Variants in CATSPERB observed in about 807,000 individuals in gnomAD.
CATSPERB encodes the protein cation channel sperm-associated auxiliary subunit beta.
Under a neutral mutation model 128.3 loss-of-function variants are expected in CATSPERB, and 93 were observed. That is an observed-to-expected ratio of 0.72 (90% CI 0.61 to 0.86). CATSPERB has a LOEUF of 0.86. Among genes scored for constraint, CATSPERB ranks in the 40% least tolerant of loss-of-function variants. CATSPERB has a pLI of 0.00. For missense variants in CATSPERB, 1,153 were observed against 1,329.5 expected (o/e 0.87, Z 2.06); for synonymous variants, 381 against 448.8 (o/e 0.85, Z 1.91).
chr14:91,608,415 T>C lies in CATSPERB; in HGVS notation c.2599-11A>G. ...AGGCCTGTAGTTTATCTGCAAGTGA[T>C]TAAACAAAGAAAATGTACAATTCAT... On this transcript the variant is annotated splice_polypyrimidine_tract_variant and intron_variant, in intron 21 of 26. Coordinates refer to ENST00000256343, the MANE Select transcript of CATSPERB (RefSeq NM_024764.4). The C allele has an allele frequency of 7.3e-7, 1 of 1,360,782 alleles. No homozygotes were observed. Among genetic ancestry groups the C allele is most frequent in the Non-Finnish European group, 1.0e-6 (1 of 953,644 alleles). 84.3% of individuals were successfully genotyped at this position (1,360,782 alleles called of 1,614,324 possible). A position where few individuals can be genotyped will look rare whatever the true frequency, so the allele number is the denominator to read the frequency against.
intron 10 of CATSPERB, among the ~76,000 whole-genome samples, chr14:91,688,432 C>T (rs1305199463): frequency 6.6e-6 from 1 of 152,154 alleles, no homozygotes; most frequent in Admixed American, 6.5e-5. Flanking sequence ...TCAGTGCTCC[C>T]TGGAATTTAG....
chr14:91,637,476 G>A (rs1894396268), intron 16 of CATSPERB, among the ~76,000 whole-genome samples: 1 of 152,182 alleles, frequency 6.6e-6, no homozygotes, highest in Non-Finnish European at 1.5e-5. Context: ...ACTGTAGCCT[G>A]GGAGTGGCAA....
At position 91,589,671 on chromosome 14, in the gene CATSPERB, T is replaced by C. The variant is rs1421251969; in HGVS notation, c.2821-2A>G. On this transcript the variant is annotated splice_acceptor_variant, in intron 23 of 26. Coordinates refer to ENST00000256343, the MANE Select transcript of CATSPERB (RefSeq NM_024764.4). LOFTEE classifies it high-confidence loss of function. ...AATTGGAAACTTAAAGCGAGGAACC[T>C]AAAATACAAATTCCAAGAATGAATG... 1 of 1,610,552 alleles carries C rather than the reference T, an allele frequency of 6.2e-7. No homozygotes were observed. Among genetic ancestry groups the C allele is most frequent in the African/African-American group, 1.3e-5 (1 of 74,838 alleles).
chr14:91,666,638 T>G (rs1311265651), intron 14 of CATSPERB, among the ~76,000 whole-genome samples: 1 of 152,200 alleles, frequency 6.6e-6, no homozygotes, highest in Non-Finnish European at 1.5e-5. Context: ...GTTGTGGCGG[T>G]GGCCGTCTTA....
At chr14:91,700,363 A>C (rs930147259) in intron 7 of CATSPERB, among the ~76,000 whole-genome samples, 2 of 151,970 alleles carry the variant, frequency 1.3e-5, no homozygotes, top group Non-Finnish European at 1.5e-5. Context: ...ATTGGCTTCT[A>C]GTTTTCTTTT....
chr14:91,633,103 G>A lies in CATSPERB; in HGVS notation c.1742+3322C>T, dbSNP rs1175417001. Among the ~76,000 whole-genome samples the A allele has an allele frequency of 2.0e-5, 3 of 152,136 alleles. 1 individual carries two copies. The highest frequency in any genetic ancestry group is 1.5e-5 in the Non-Finnish European group (1 of 68,024). ...AACTTACTACTTTTTGTTCAACCCA[G>A]TATATACATGTTCAACTCTAACTGC... On this transcript the variant is annotated intron_variant, in intron 17 of 26. Coordinates refer to ENST00000256343, the MANE Select transcript of CATSPERB (RefSeq NM_024764.4).
intron 26 of CATSPERB, among the ~76,000 whole-genome samples, chr14:91,582,876 G>A (rs185560152): frequency 6.6e-6 from 1 of 152,304 alleles, no homozygotes; most frequent in Non-Finnish European, 1.5e-5. Context: ...CTTGGATGCA[G>A]GACAGGAACA....
chr14:91,638,213 T>C (rs1894414389), intron 16 of CATSPERB, among the ~76,000 whole-genome samples: 1 of 152,192 alleles, frequency 6.6e-6, no homozygotes, highest in African/African-American at 2.4e-5. Context: ...AGTGTCCAGT[T>C]TTGTAACTGG....
In CATSPERB at chr14:91,717,769, T is replaced by C. The variant is rs538958893; in HGVS notation, c.370+1649A>G. The stretch of plus-strand genomic sequence containing the variant: ...CATATACTCATAATACTCATATTCA[T>C]GCCATAGCAGTAAATAAAGTATGAT... On this transcript the variant is annotated intron_variant, in intron 5 of 26. Coordinates refer to ENST00000256343, the MANE Select transcript of CATSPERB (RefSeq NM_024764.4). Among the ~76,000 whole-genome samples, 32 of 152,320 alleles carry C rather than the reference T, an allele frequency of 2.1e-4. No homozygotes were observed. In the East Asian group the frequency reaches 6.0e-3, roughly 28 times the overall value.
Position 91,624,993 on chromosome 14 carries a change from G to A in CATSPERB, c.1757C>T (p.Ala586Val), listed in dbSNP as rs1375387571. ...ATGTTGCAATACCTTTCTTATGTAA[G>A]CTCTTCCAGTTTTCCTAAAAACAAA... ...KVIHSGKTGR[A>V]YIRKVLQHTT... is the part of the protein sequence containing the mutation. The change falls in exon 18 of 27, where the codon GCT (alanine) becomes GTT (valine). Residue 586 changes from alanine (A) to valine (V), a missense_variant. By Grantham distance (64) the Ala-to-Val change is moderately conservative. Coordinates refer to ENST00000256343, the MANE Select transcript of CATSPERB (RefSeq NM_024764.4). 1.3e-6 allele frequency: 2 copies of A among 1,575,750 alleles called. No homozygotes were observed. The highest frequency in any genetic ancestry group is 2.0e-5 in the Admixed American group (1 of 49,442).
rs772351437 is a variant in CATSPERB at position 91,621,943 on chromosome 14, G to T, written c.1931-6C>A. On this transcript the variant is annotated splice_region_variant and splice_polypyrimidine_tract_variant and intron_variant, in intron 18 of 26. Transcript: ENST00000256343. Reference sequence around the variant, plus strand: ...TTCAAACAAGGCCTGAACAACTGGAGATTAAACAGAAGAGACTTGGTATTA... The same window carrying T: ...TTCAAACAAGGCCTGAACAACTGGATATTAAACAGAAGAGACTTGGTATTA... 40 of 1,558,562 alleles carry T rather than the reference G, an allele frequency of 2.6e-5. No homozygotes were observed. In the East Asian group the frequency reaches 9.0e-4, roughly 35 times the overall value.
chr14:91,692,317 G>A (rs1895486657), intron 9 of CATSPERB, among the ~76,000 whole-genome samples: 1 of 152,082 alleles, frequency 6.6e-6, no homozygotes, highest in Non-Finnish European at 1.5e-5. Context: ...GCAGTCCAGA[G>A]GTCAGGACTT....
At chr14:91,678,419 C>A (rs1294787395) in intron 11 of CATSPERB, among the ~76,000 whole-genome samples, 2 of 152,052 alleles carry the variant, frequency 1.3e-5, no homozygotes, top group Non-Finnish European at 2.9e-5. Flanking sequence ...ATATTGCTAT[C>A]TTGTGGCTAG....
At chr14:91,597,609 G>A (rs188814475) in intron 22 of CATSPERB, among the ~76,000 whole-genome samples, 4 of 152,238 alleles carry the variant, frequency 2.6e-5, no homozygotes, top group Admixed American at 2.6e-4. Context: ...TAGAGAAACT[G>A]AACTTATTTT....
At chr14:91,637,906 C>A (rs913561543) in intron 16 of CATSPERB, among the ~76,000 whole-genome samples, 18 of 151,936 alleles carry the variant, frequency 1.2e-4, no homozygotes, top group African/African-American at 4.4e-4. Context: ...GTTAGTTCTA[C>A]CCTCCTGCTC....
chr14:91,687,431 A>G (rs1213658871), intron 10 of CATSPERB, among the ~76,000 whole-genome samples: 1 of 152,140 alleles, frequency 6.6e-6, no homozygotes, highest in African/African-American at 2.4e-5. Flanking sequence ...CTTATAAAAG[A>G]GAACCCAGGG....
intron 5 of CATSPERB, among the ~76,000 whole-genome samples, chr14:91,711,051 C>T (rs1373682240): frequency 1.3e-5 from 2 of 152,138 alleles, no homozygotes; most frequent in Admixed American, 6.5e-5. Flanking sequence ...AGGGGCTCAG[C>T]GTATGTGAAA....
chr14:91,605,742 ACTCT>A (rs1893689432), intron 22 of CATSPERB, among the ~76,000 whole-genome samples: 1 of 148,818 alleles, frequency 6.7e-6, no homozygotes, highest in African/African-American at 2.5e-5. Context: ...CTCTGTTACC[ACTCT>A]CTCCTCCTTT....
At chr14:91,664,622 G>T (rs1704687) in intron 14 of CATSPERB, among the ~76,000 whole-genome samples, 1 of 152,038 alleles carries the variant, frequency 6.6e-6, no homozygotes, top group African/African-American at 2.4e-5. Flanking sequence ...GATATACCAA[G>T]TTTATTTGTC....
Sources: allele counts gnomAD v4.1 joint callset (sites outside exome capture counted in the v4.1 genomes callset), GRCh38; gene constraint gnomAD v4.1.1; transcripts MANE v1.5; gene names NCBI Gene and HGNC (gene_info 2026-07-23, HGNC 2026-07-21).